Variants in SGMS2 observed in about 807,000 individuals in gnomAD.
The protein encoded by SGMS2 is phosphatidylcholine:ceramide cholinephosphotransferase 2.
Under a neutral mutation model 43.8 loss-of-function variants are expected in SGMS2, and 21 were observed. That is an observed-to-expected ratio of 0.48 (90% CI 0.34 to 0.69). The LOEUF is 0.69. Among genes scored for constraint, SGMS2 ranks in the 30% least tolerant of loss-of-function variants. SGMS2 has a pLI of 0.01. For synonymous variants in SGMS2, 167 were observed against 160.6 expected, an observed-to-expected ratio of 1.04 and a Z score of -0.30; for missense variants, 384 against 443.2, an observed-to-expected ratio of 0.87 and a Z score of 1.20.
intron 2 of SGMS2, among the ~76,000 whole-genome samples, chr4:107,859,894 A>T (rs1175702630): frequency 6.6e-6 from 1 of 152,204 alleles, no homozygotes; most frequent in Non-Finnish European, 1.5e-5. Flanking sequence ...GAAGTGTGTT[A>T]AAATAATAAA....
At chr4:107,832,058 G>A (rs1209832402) in intron 1 of SGMS2, among the ~76,000 whole-genome samples, 5 of 152,116 alleles carry the variant, frequency 3.3e-5, no homozygotes, top group African/African-American at 9.7e-5. Context: ...TCTTTAGGAG[G>A]CCCTGAGACA....
At chr4:107,909,856 T>A (rs937964812) in intron 6 of SGMS2, among the ~76,000 whole-genome samples, 1 of 152,216 alleles carries the variant, frequency 6.6e-6, no homozygotes, top group African/African-American at 2.4e-5. Context: ...AAATGCTCTT[T>A]CTTTGGATTA....
chr4:107,877,913 C>CTTTTCTTT (rs1729041526), intron 2 of SGMS2, among the ~76,000 whole-genome samples: 3 of 102,178 alleles, frequency 2.9e-5, no homozygotes, highest in African/African-American at 7.8e-5. Flanking sequence ...TTTTTCTTTT[C>CTTTTCTTT]TTTTTTTTTT....
At chr4:107,863,818 A>C (rs945775512) in intron 2 of SGMS2, 1 of 152,250 alleles carries the variant, frequency 6.6e-6, no homozygotes, top group Non-Finnish European at 1.5e-5. Context: ...GGGCTCTGTG[A>C]CATATATGGA....
intron 1 of SGMS2, among the ~76,000 whole-genome samples, chr4:107,850,778 G>T (rs964956826): frequency 1.3e-5 from 2 of 152,168 alleles, no homozygotes; most frequent in Non-Finnish European, 2.9e-5. Flanking sequence ...AGCTTGGGTG[G>T]TTTCTGAGGT....
chr4:107,863,036 C>G lies in SGMS2; in HGVS notation c.-245+4483C>G, dbSNP rs78522613. 3.9e-3 allele frequency among the ~76,000 whole-genome samples: 600 copies of G among 152,294 alleles called. 5 individuals carry two copies. The highest frequency in any genetic ancestry group is 0.014 in the African/African-American group (565 of 41,564). On this transcript the variant is annotated intron_variant, in intron 2 of 6. Transcript: ENST00000690982. ...GAAGAATGCCACCTTACTGGGCAAA[C>G]ATGGATAGTTTTCATGCTCCTACAT...
chr4:107,836,709 C>T (rs78959767), intron 1 of SGMS2, among the ~76,000 whole-genome samples: 6,143 of 152,208 alleles, frequency 0.04, 421 homozygotes, highest in African/African-American at 0.14. Flanking sequence ...TGCTCTTCCT[C>T]AGTTGCTTAT....
At chr4:107,843,142 T>G (rs1726616929) in intron 1 of SGMS2, among the ~76,000 whole-genome samples, 1 of 151,824 alleles carries the variant, frequency 6.6e-6, no homozygotes, top group Non-Finnish European at 1.5e-5. Context: ...TGTGAAACAA[T>G]CTTAGGGTTG....
rs576520569 is a variant in SGMS2, at chr4:107,907,467, C to G, written c.728-1098C>G. On this transcript the variant is annotated intron_variant, in intron 5 of 6. Coordinates refer to ENST00000690982, the MANE Select transcript of SGMS2 (RefSeq NM_001375905.1). ...TCTCTACTAATAATACAAAATTAGC[C>G]AGGCATAATGGCGCACCCCTGTAAT... 3 of 152,258 alleles carry G rather than the reference C, an allele frequency of 2.0e-5. No homozygotes were observed. The South Asian group carries it at 6.2e-4, about 32-fold the overall frequency. 9.4% of individuals were successfully genotyped at this position (152,258 alleles called of 1,614,324 possible). A position where few individuals can be genotyped will look rare whatever the true frequency, so the allele number is the denominator to read the frequency against.
At chr4:107,842,712 T>C (rs549270639) in intron 1 of SGMS2, among the ~76,000 whole-genome samples, 1 of 152,350 alleles carries the variant, frequency 6.6e-6, no homozygotes, top group South Asian at 2.1e-4. Flanking sequence ...CTATCAGACT[T>C]CAACATTTTA....
At chr4:107,854,151 C>T (rs747575906) in intron 1 of SGMS2, among the ~76,000 whole-genome samples, 20 of 152,134 alleles carry the variant, frequency 1.3e-4, no homozygotes, top group Non-Finnish European at 2.4e-4. Flanking sequence ...GGAATGAAAA[C>T]GGCTGATAAA....
At chr4:107,825,519 C>T (rs1324752706) in intron 1 of SGMS2, among the ~76,000 whole-genome samples, 1 of 152,078 alleles carries the variant, frequency 6.6e-6, no homozygotes, top group Non-Finnish European at 1.5e-5. Flanking sequence ...AGGTTAAACC[C>T]CAGATTGTCC....
intron 2 of SGMS2, among the ~76,000 whole-genome samples, chr4:107,889,796 A>G (rs1030134410): frequency 6.6e-6 from 1 of 152,220 alleles, no homozygotes; most frequent in Non-Finnish European, 1.5e-5. Context: ...AATTTGCATC[A>G]TAAGATACAG....
intron 1 of SGMS2, among the ~76,000 whole-genome samples, chr4:107,857,020 T>C (rs1727466874): frequency 6.6e-6 from 1 of 152,218 alleles, no homozygotes; most frequent in Admixed American, 6.5e-5. Context: ...GCATTCACTT[T>C]CCATTCTCTT....
chr4:107,892,234 CAAAAAAAAAAAAA>C (rs34353350), intron 2 of SGMS2, among the ~76,000 whole-genome samples: 4 of 75,098 alleles, frequency 5.3e-5, no homozygotes, highest in African/African-American at 1.6e-4. Flanking sequence ...ACTAAAACTC[CAAAAAAAAAAAAA>C]AAAAAAAAAA....
intron 1 of SGMS2, among the ~76,000 whole-genome samples, chr4:107,856,853 C>T (rs1298892143): frequency 2.0e-5 from 3 of 152,170 alleles, no homozygotes; most frequent in Non-Finnish European, 1.5e-5. Flanking sequence ...TTTAATTTTA[C>T]AACAGTTGCA....
chr4:107,847,935 A>G (rs900052235), intron 1 of SGMS2, among the ~76,000 whole-genome samples: 2 of 152,158 alleles, frequency 1.3e-5, no homozygotes, highest in African/African-American at 4.8e-5. Context: ...ATTATTAACC[A>G]AAGTCCATAG....
Position 107,895,563 on chromosome 4 carries a change from A to C in SGMS2, c.10A>C (p.Ile4Leu), listed in dbSNP as rs768306630. 1.2e-6 allele frequency: 2 copies of C among 1,613,436 alleles called. No individual in the cohort carries two copies. The highest frequency in any genetic ancestry group is 1.7e-6 in the Non-Finnish European group (2 of 1,179,632). ...TGAAGACTAGGGGACAATGGATATC[A>C]TAGAGACAGCAAAACTTGAAGAACA... MDI[I>L]ETAKLEEHLE... is the part of the protein sequence containing the mutation. Residue 4 changes from isoleucine (I) to leucine (L), a missense_variant, in exon 3 of 7, where the codon ATA becomes CTA. Coordinates refer to ENST00000690982, the MANE Select transcript of SGMS2 (RefSeq NM_001375905.1).
chr4:107,906,949 G>A (rs1316002412), intron 5 of SGMS2, among the ~76,000 whole-genome samples: 1 of 152,188 alleles, frequency 6.6e-6, no homozygotes. Context: ...GGGGGTGGGA[G>A]GCGGGTAGGG....
Sources: gnomAD v4.1 joint callset for allele counts (sites outside exome capture counted in the v4.1 genomes callset) on GRCh38, gnomAD v4.1.1 for gene constraint, MANE v1.5 for transcripts, NCBI Gene and HGNC (gene_info 2026-07-23, HGNC 2026-07-21) for gene names.